Variants in SEMA5A observed in about 807,000 individuals in gnomAD.
SEMA5A encodes semaphorin 5A.
Under a neutral mutation model 135.5 loss-of-function variants are expected in SEMA5A, and 55 were observed. The ratio of observed to expected loss-of-function variants is 0.41; its 90% CI spans 0.33 to 0.51. SEMA5A has a LOEUF of 0.51. SEMA5A is among the 20% of genes least tolerant of loss of function. The pLI is 0.37. For missense variants in SEMA5A, 1,290 were observed against 1,419.9 expected, an observed-to-expected ratio of 0.91 and a Z score of 1.47; for synonymous variants, 580 against 546.5, an observed-to-expected ratio of 1.06 and a Z score of -0.85.
chr5:9,104,889 C>T (rs1739824456), intron 16 of SEMA5A, among the ~76,000 whole-genome samples: 1 of 152,178 alleles, frequency 6.6e-6, no homozygotes. Context: ...TCATTCTGAG[C>T]TCACTGGAGC....
intron 3 of SEMA5A, among the ~76,000 whole-genome samples, chr5:9,341,673 AT>A (rs11322601): frequency 0.64 from 93,350 of 145,060 alleles, 30,851 homozygotes; most frequent in East Asian, 0.75. Context: ...TATAATATAT[AT>A]TATATATATA....
intron 8 of SEMA5A, 31 bp downstream of exon 8, chr5:9,224,643 G>A: frequency 6.3e-7 from 1 of 1,596,754 alleles, no homozygotes; most frequent in African/African-American, 1.3e-5. Context: ...AGACAAATGA[G>A]GTGAGAAAGA....
chr5:9,082,761 C>T (rs946703335), intron 16 of SEMA5A, among the ~76,000 whole-genome samples: 9 of 152,160 alleles, frequency 5.9e-5, no homozygotes, highest in African/African-American at 2.2e-4. Context: ...ACAAAAGCAT[C>T]AGGGATTCTC....
At chr5:9,413,136 T>C (rs978608855) in intron 2 of SEMA5A, among the ~76,000 whole-genome samples, 8 of 152,018 alleles carry the variant, frequency 5.3e-5, no homozygotes, top group Admixed American at 1.3e-4. Flanking sequence ...GAAGGAGACA[T>C]TGGGGAAGGT....
intron 3 of SEMA5A, chr5:9,367,406 A>G (rs1754962343): frequency 6.6e-6 from 1 of 152,200 alleles, no homozygotes; most frequent in Non-Finnish European, 1.5e-5. Flanking sequence ...GTAAAAGAAG[A>G]ATTGCATGCA....
At chr5:9,128,348 AG>A (rs1253846594) in intron 13 of SEMA5A, among the ~76,000 whole-genome samples, 1 of 152,244 alleles carries the variant, frequency 6.6e-6, no homozygotes, top group African/African-American at 2.4e-5. Flanking sequence ...GAGACTCAAG[AG>A]GACACTGCAA....
rs538917949 is a variant in SEMA5A at position 9,095,987 on chromosome 5, C to A, written c.2073+12153G>T. 1.1e-4 allele frequency among the ~76,000 whole-genome samples: 16 copies of A among 152,284 alleles called. No homozygotes were observed. In the South Asian group the frequency reaches 1.5e-3, roughly 14 times the overall value. On this transcript the variant is annotated intron_variant, in intron 16 of 22. Transcript: ENST00000382496. ...TACAGTGAACATGGGAAAGCAGGTG[C>A]TTTACGAGGTAGTGATTTAATTTCC...
intron 5 of SEMA5A, among the ~76,000 whole-genome samples, chr5:9,256,175 A>G (rs1283353520): frequency 2.0e-5 from 3 of 152,194 alleles, no homozygotes; most frequent in Non-Finnish European, 4.4e-5. Context: ...ACCCAAAAGT[A>G]TCTTTTTAAT....
Position 9,136,611 on chromosome 5 carries a change from C to T in SEMA5A, c.1492G>A (p.Gly498Arg), listed in dbSNP as rs777672028. 4 of 1,613,202 alleles carry T rather than the reference C, an allele frequency of 2.5e-6. No individual in the cohort carries two copies. The African/African-American group carries it at 5.3e-5, about 22-fold the overall frequency. ...CAGCCACAGTAAGGGTCCTGGGCCC[C>T]AATGCAGGTGCTGGAAACACACACC... ...QFYRTRSTCI[G>R]AQDPYCGWDV... The change falls in exon 13 of 23, where the codon GGG (glycine) becomes AGG (arginine). Residue 498 changes from glycine (G) to arginine (R), a missense_variant. Gly to Arg is a moderately radical substitution (Grantham distance 125). Transcript: ENST00000382496.
chr5:9,154,675 C>T lies in SEMA5A; in HGVS notation c.1294G>A (p.Val432Met). 2 of 1,613,986 alleles carry T rather than the reference C, an allele frequency of 1.2e-6. No homozygotes were observed. The highest frequency in any genetic ancestry group is 8.5e-7 in the Non-Finnish European group (1 of 1,180,006). The stretch of plus-strand genomic sequence containing the variant: ...GAGGTCTGATTCAGGGGTACCCGCA[C>T]TTTCTTAATGGTTCCGTAATCTATG... The part of the protein sequence containing the change: ...LATDYGTIKK[V>M]RVPLNQTSSS... The change falls in exon 12 of 23, where the codon GTG (valine) becomes ATG (methionine). Residue 432 changes from valine to methionine, a missense_variant. Physicochemically the swap from Val to Met is conservative, Grantham distance 21. Around this residue, in one of 3 missense-constraint regions of SEMA5A, gnomAD observed 1,029 missense variants for 1,086.6 expected, o/e 0.95. Transcript: ENST00000382496.
chr5:9,351,637 G>A (rs966605275), intron 3 of SEMA5A, among the ~76,000 whole-genome samples: 3 of 152,130 alleles, frequency 2.0e-5, no homozygotes, highest in Non-Finnish European at 4.4e-5. Context: ...AATGAAGAAA[G>A]CCAAAATGCA....
chr5:9,473,103 TATA>T (rs1759535539), intron 1 of SEMA5A, among the ~76,000 whole-genome samples: 1 of 124,214 alleles, frequency 8.1e-6, no homozygotes, highest in South Asian at 2.6e-4. Flanking sequence ...AAACTTAAAG[TATA>T]ATAATAACAA....
At chr5:9,484,284 C>A (rs1056890179) in intron 1 of SEMA5A, among the ~76,000 whole-genome samples, 1 of 152,194 alleles carries the variant, frequency 6.6e-6, no homozygotes, top group Non-Finnish European at 1.5e-5. Flanking sequence ...TTGACAAATA[C>A]ATCAACAAGA....
At chr5:9,461,392 A>G (rs1308794987) in intron 1 of SEMA5A, among the ~76,000 whole-genome samples, 1 of 152,250 alleles carries the variant, frequency 6.6e-6, no homozygotes, top group African/African-American at 2.4e-5. Flanking sequence ...TGCTTACAGC[A>G]ATAGCAGTCA....
At chr5:9,080,229 T>C (rs1013210174) in intron 16 of SEMA5A, among the ~76,000 whole-genome samples, 1 of 152,134 alleles carries the variant, frequency 6.6e-6, no homozygotes, top group African/African-American at 2.4e-5. Context: ...TAAAAAAGGA[T>C]GAGTTCATGT....
At chr5:9,508,597 G>C (rs567964213) in intron 1 of SEMA5A, among the ~76,000 whole-genome samples, 2 of 152,148 alleles carry the variant, frequency 1.3e-5, no homozygotes, top group Non-Finnish European at 2.9e-5. Flanking sequence ...CCCTCTGCCT[G>C]GAATAGCCTT....
intron 1 of SEMA5A, among the ~76,000 whole-genome samples, chr5:9,473,992 GC>G (rs1253322773): frequency 6.6e-6 from 1 of 152,088 alleles, no homozygotes; most frequent in African/African-American, 2.4e-5. Flanking sequence ...GGAATGGAAT[GC>G]CCACTCCACA....
At chr5:9,176,326 C>T (rs989742770) in intron 11 of SEMA5A, among the ~76,000 whole-genome samples, 5 of 152,030 alleles carry the variant, frequency 3.3e-5, no homozygotes, top group Non-Finnish European at 7.4e-5. Flanking sequence ...AAACTAGGGC[C>T]CTCTGTCAAC....
chr5:9,343,373 G>T (rs763835596), intron 3 of SEMA5A, among the ~76,000 whole-genome samples: 3 of 152,156 alleles, frequency 2.0e-5, no homozygotes, highest in Non-Finnish European at 4.4e-5. Flanking sequence ...TCCAATACAG[G>T]AGTTGGGGGG....
Sources: gnomAD v4.1 joint callset for allele counts (sites outside exome capture counted in the v4.1 genomes callset) on GRCh38, gnomAD v4.1.1 for gene constraint, gnomAD v4.1.1 regional missense constraint, MANE v1.5 for transcripts, NCBI Gene and HGNC (gene_info 2026-07-23, HGNC 2026-07-21) for gene names.